The following COL4A6 variants were observed in gnomAD, a reference collection of about 807,000 sequenced individuals.
The protein encoded by COL4A6 is collagen alpha-6(IV) chain.
COL4A6 carries 59 observed loss-of-function variants against 126.7 expected under a neutral mutation model. The ratio of observed to expected loss-of-function variants is 0.47; its 90% CI spans 0.38 to 0.58. COL4A6 has a LOEUF of 0.58. Among genes scored for constraint, COL4A6 ranks in the 20% least tolerant of loss-of-function variants. The pLI, the probability that COL4A6 is intolerant of heterozygous loss-of-function variation, is 0.00. For missense variants in COL4A6, 1,285 were observed against 1,337.3 expected, an observed-to-expected ratio of 0.96 and a Z score of 0.61; for synonymous variants, 547 against 496.6, an observed-to-expected ratio of 1.10 and a Z score of -1.35.
intron 18 of COL4A6, 91 bp from the exon 19 acceptor site, chrX:108,191,624 A>G (rs961269858): frequency 9.5e-7 from 1 of 1,048,755 alleles, no homozygotes; most frequent in Non-Finnish European, 1.3e-6. Context: ...AACAAATCCA[A>G]GGAAGAATTT....
chrX:108,266,979 T>G (rs977549333), intron 3 of COL4A6, among the ~76,000 whole-genome samples: 1 of 111,889 alleles, frequency 8.9e-6, no homozygotes, highest in African/African-American at 3.2e-5. Context: ...CAAAAGAAAT[T>G]TATTTATTAT....
intron 5 of COL4A6, among the ~76,000 whole-genome samples, chrX:108,214,664 A>T (rs1182233573): frequency 1.8e-5 from 2 of 112,356 alleles, no homozygotes; most frequent in Non-Finnish European, 3.8e-5. Context: ...GAAGCTCTGC[A>T]TGGGAAATGA....
intron 3 of COL4A6, among the ~76,000 whole-genome samples, chrX:108,224,363 G>A (rs1483247972): frequency 8.9e-6 from 1 of 112,235 alleles, no homozygotes; most frequent in Non-Finnish European, 1.9e-5. Flanking sequence ...CCAAATAGAA[G>A]TTTGAAAAGG....
intron 13 of COL4A6, among the ~76,000 whole-genome samples, chrX:108,201,826 A>G (rs750536313): frequency 2.7e-5 from 3 of 110,866 alleles, no homozygotes; most frequent in Non-Finnish European, 5.7e-5. Context: ...CACCCTTCCC[A>G]TTCCCTCTCC....
At chrX:108,176,065 CTG>C (rs760889819) in intron 28 of COL4A6, among the ~76,000 whole-genome samples, 163 of 111,197 alleles carry the variant, frequency 1.5e-3, no homozygotes, top group Non-Finnish European at 2.6e-3. Flanking sequence ...GTGGGTCACA[CTG>C]TAATCCTAGC....
At chrX:108,427,424 CTT>C (rs1355087764) in intron 2 of COL4A6, among the ~76,000 whole-genome samples, 1 of 111,945 alleles carries the variant, frequency 8.9e-6, no homozygotes, top group Non-Finnish European at 1.9e-5. Flanking sequence ...AAAATACTAA[CTT>C]AACTTCCTAA....
chrX:108,345,307 A>G (rs933396821), intron 2 of COL4A6, among the ~76,000 whole-genome samples: 3 of 111,988 alleles, frequency 2.7e-5, no homozygotes, highest in African/African-American at 9.7e-5. Flanking sequence ...CATAAATGAA[A>G]CAAAATTACC....
intron 14 of COL4A6, 128 bp from the exon 15 acceptor site, chrX:108,195,254 T>C: frequency 2.2e-6 from 1 of 455,528 alleles, no homozygotes. Flanking sequence ...TAAGCGAATG[T>C]TCCTAGACCT....
chrX:108,413,659 C>T (rs1424551860), intron 2 of COL4A6, among the ~76,000 whole-genome samples: 2 of 110,995 alleles, frequency 1.8e-5, no homozygotes, highest in Non-Finnish European at 3.8e-5. Context: ...GGGGTTTCAC[C>T]GTGTTAGCAG....
In COL4A6 at chrX:108,156,857, C is replaced by T. The variant is rs182227091; in HGVS notation, c.*143G>A. On this transcript the variant is annotated 3_prime_UTR_variant, in exon 45 of 45. Coordinates refer to ENST00000334504, the MANE Select transcript of COL4A6 (RefSeq NM_033641.4). ...CCCGAGGGCTGGGGTGACGAGTGTC[C>T]GGTAGTCTAGCCCAAATGAGACTCC... The T allele has an allele frequency of 8.6e-5, 53 of 613,399 alleles. No homozygotes were observed. Among genetic ancestry groups the T allele is most frequent in the Admixed American group, 5.9e-4 (20 of 33,771 alleles). 50.6% of individuals were successfully genotyped at this position (613,399 alleles called of 1,213,427 possible).
At chrX:108,164,313 G>A (rs770737490) in intron 40 of COL4A6, among the ~76,000 whole-genome samples, 1 of 111,471 alleles carries the variant, frequency 9.0e-6, no homozygotes, top group East Asian at 2.8e-4. Flanking sequence ...AAACGGGTGG[G>A]TGGTGATCTG....
chrX:108,252,723 A>G (rs1292270845), intron 3 of COL4A6, among the ~76,000 whole-genome samples: 1 of 111,770 alleles, frequency 8.9e-6, no homozygotes, highest in Non-Finnish European at 1.9e-5. Flanking sequence ...ACAGGCCAAC[A>G]TTCCTGATGT....
chrX:108,413,593 G>T (rs2041373326), intron 2 of COL4A6, among the ~76,000 whole-genome samples: 2 of 111,437 alleles, frequency 1.8e-5, no homozygotes, highest in Admixed American at 1.9e-4. Flanking sequence ...TGAGTAGCTG[G>T]GACTACAGAC....
intron 3 of COL4A6, among the ~76,000 whole-genome samples, chrX:108,277,255 C>T (rs1017161758): frequency 3.6e-5 from 4 of 111,750 alleles, no homozygotes; most frequent in South Asian, 3.8e-4. Context: ...GGGTGACAGA[C>T]GGCACCTGGA....
At chrX:108,225,362 G>C (rs1284253799) in intron 3 of COL4A6, among the ~76,000 whole-genome samples, 1 of 112,838 alleles carries the variant, frequency 8.9e-6, no homozygotes, top group Non-Finnish European at 1.9e-5. Flanking sequence ...ATTTCAATGG[G>C]CTTGGACTAA....
chrX:108,203,978 G>A, intron 12 of COL4A6, among the ~76,000 whole-genome samples: 1 of 26,349 alleles, frequency 3.8e-5, no homozygotes, highest in East Asian at 4.6e-4. Context: ...GTATTGAGAG[G>A]GTTGGGAGTT....
chrX:108,288,197 C>G (rs764481406), intron 3 of COL4A6, among the ~76,000 whole-genome samples: 1 of 111,694 alleles, frequency 9.0e-6, no homozygotes, highest in Non-Finnish European at 1.9e-5. Context: ...TTATTTAGAA[C>G]AGCTTCTAAT....
intron 3 of COL4A6, among the ~76,000 whole-genome samples, chrX:108,286,342 C>T (rs1387391646): frequency 2.7e-5 from 3 of 112,250 alleles, no homozygotes; most frequent in Admixed American, 9.4e-5. Flanking sequence ...GCTATTCAAA[C>T]TGGATCAGGA....
At chrX:108,234,755 C>T (rs1416507193) in intron 3 of COL4A6, among the ~76,000 whole-genome samples, 2 of 111,837 alleles carry the variant, frequency 1.8e-5, no homozygotes, top group African/African-American at 3.3e-5. Context: ...TAGAGGAGGG[C>T]TTTTTATTCT....
Sources: gnomAD v4.1 joint callset for allele counts (sites outside exome capture counted in the v4.1 genomes callset) on GRCh38, gnomAD v4.1.1 for gene constraint, MANE v1.5 for transcripts, NCBI Gene and HGNC (gene_info 2026-07-23, HGNC 2026-07-21) for gene names.